Variants in STXBP4 observed in about 807,000 individuals in gnomAD.
STXBP4 encodes syntaxin binding protein 4, also known as syntaxin-binding protein 4.
STXBP4 carries 55 observed loss-of-function variants against 76.1 expected under a neutral mutation model. The observed-to-expected ratio is 0.72, with a 90% CI of 0.58 to 0.91. The LOEUF (loss-of-function observed/expected upper bound fraction) is 0.91, where lower values mean the gene tolerates loss of function less well. STXBP4 is among the 40% of genes least tolerant of loss of function. The probability of loss-of-function intolerance (pLI) is 0.00; values close to 1 mark genes in which losing one functional copy is unlikely to be tolerated. For missense variants in STXBP4, 618 were observed against 636.9 expected, an observed-to-expected ratio of 0.97 and a Z score of 0.32; for synonymous variants, 201 against 220.2, an observed-to-expected ratio of 0.91 and a Z score of 0.77.
At chr17:55,132,691 A>G (rs2079985895) in intron 16 of STXBP4, among the ~76,000 whole-genome samples, 1 of 152,154 alleles carries the variant, frequency 6.6e-6, no homozygotes, top group Admixed American at 6.6e-5. Flanking sequence ...CCTCTCATGG[A>G]ATTTGCATCC....
Position 55,166,691 on chromosome 17 carries a change from T to G in STXBP4, c.*6780T>G, listed in dbSNP as rs2080379066. The G allele has an allele frequency of 6.6e-6, 1 of 152,226 alleles. No homozygotes were observed. Among genetic ancestry groups the G allele is most frequent in the Non-Finnish European group, 1.5e-5 (1 of 68,056 alleles). 9.4% of individuals were successfully genotyped at this position (152,226 alleles called of 1,614,324 possible). A position where few individuals can be genotyped will look rare whatever the true frequency, so the allele number is the denominator to read the frequency against. ...CTCTATGGATGCCATGCCTGCATTT[T>G]TACACACCTGCCCAACCCCACTTCC... On this transcript the variant is annotated 3_prime_UTR_variant, in exon 18 of 18. Transcript: ENST00000376352.
At chr17:54,977,277 G>A (rs1236734053) in intron 1 of STXBP4, among the ~76,000 whole-genome samples, 1 of 152,174 alleles carries the variant, frequency 6.6e-6, no homozygotes, top group Non-Finnish European at 1.5e-5. Context: ...TTGGCCATCA[G>A]TATCCGCAGG....
the STXBP4 span, among the ~76,000 whole-genome samples, chr17:55,207,777 C>A: frequency 1.3e-5 from 2 of 152,188 alleles, no homozygotes; most frequent in Admixed American, 6.5e-5. Context: ...ATGCCACACA[C>A]ACTCTCATGC....
At chr17:55,118,581 G>A in intron 16 of STXBP4, among the ~76,000 whole-genome samples, 1 of 151,810 alleles carries the variant, frequency 6.6e-6, no homozygotes, top group Non-Finnish European at 1.5e-5. Context: ...AGAAATAAAT[G>A]TAAGAATCTT....
chr17:55,049,767 A>T (rs1471417062), intron 12 of STXBP4, among the ~76,000 whole-genome samples: 1 of 152,040 alleles, frequency 6.6e-6, no homozygotes, highest in Non-Finnish European at 1.5e-5. Context: ...CCTATTTTTT[A>T]AAAAGTTTTT....
At chr17:55,023,894 G>A (rs2078361453) in intron 8 of STXBP4, among the ~76,000 whole-genome samples, 1 of 123,866 alleles carries the variant, frequency 8.1e-6, no homozygotes, top group African/African-American at 3.2e-5. Context: ...ACAAGATTCT[G>A]CAAGGGCTGG....
intron 17 of STXBP4, among the ~76,000 whole-genome samples, chr17:55,156,188 A>C (rs1405053569): frequency 4.6e-5 from 7 of 152,138 alleles, no homozygotes; most frequent in African/African-American, 1.7e-4. Flanking sequence ...TAAATTTTTT[A>C]TACTAAATTT....
intron 4 of STXBP4, among the ~76,000 whole-genome samples, chr17:54,998,625 CT>C (rs1272103500): frequency 6.6e-6 from 1 of 152,136 alleles, no homozygotes; most frequent in Non-Finnish European, 1.5e-5. Context: ...CCAACTAGGC[CT>C]TAATCATAGG....
At position 55,043,847 on chromosome 17, in the gene STXBP4, T is replaced by C. The variant is rs2078745079; in HGVS notation, c.945+522T>C. The C allele has an allele frequency of 7.1e-6, 4 of 564,778 alleles. No homozygotes were observed. In the South Asian group the frequency reaches 1.1e-4, roughly 15 times the overall value. The allele number at this position is 564,778 out of a possible 1,614,324, so 35.0% of individuals were successfully genotyped here. A position where few individuals can be genotyped will look rare whatever the true frequency, so the allele number is the denominator to read the frequency against. On this transcript the variant is annotated intron_variant, in intron 11 of 17. Transcript: ENST00000376352. ...TTTGTTTGTTTGGTTTTTTGATTCT[T>C]GTTTTTGTTTTGTGTTTTTGAGACA...
chr17:55,026,149 G>C (rs2078409644), intron 8 of STXBP4, among the ~76,000 whole-genome samples: 1 of 152,140 alleles, frequency 6.6e-6, no homozygotes, highest in Non-Finnish European at 1.5e-5. Flanking sequence ...TTGTGCTGAT[G>C]AATCTATGAG....
the STXBP4 span, among the ~76,000 whole-genome samples, chr17:55,211,799 GTTTTTTTTTT>G: frequency 0.098 from 4,840 of 49,180 alleles, 367 homozygotes; most frequent in African/African-American, 0.28. Context: ...GTTTTTTGTT[GTTTTTTTTTT>G]TTTTTTTTTT....
intron 16 of STXBP4, among the ~76,000 whole-genome samples, chr17:55,123,258 A>T (rs1011204299): frequency 5.3e-5 from 8 of 152,136 alleles, no homozygotes; most frequent in African/African-American, 1.9e-4. Context: ...TAATTCAATA[A>T]AGGGGAAAAT....
At position 55,172,139 on chromosome 17, in the gene STXBP4, G is replaced by C. The variant is rs751721739; in HGVS notation, c.*12228G>C. On this transcript the variant is annotated 3_prime_UTR_variant, in exon 18 of 18. Coordinates refer to ENST00000376352, the MANE Select transcript of STXBP4 (RefSeq NM_178509.6). ...CTGTAGGTAAGGTTTGACTCATCTG[G>C]GTTAGTAGTAAGAACAAACTTCCAA... 1 of 152,190 alleles carries C rather than the reference G, an allele frequency of 6.6e-6. No homozygotes were observed. Among genetic ancestry groups the C allele is most frequent in the Admixed American group, 6.5e-5 (1 of 15,278 alleles). 9.4% of individuals were successfully genotyped at this position (152,190 alleles called of 1,614,324 possible).
intron 12 of STXBP4, among the ~76,000 whole-genome samples, chr17:55,060,998 C>T (rs906487715): frequency 2.0e-5 from 3 of 152,166 alleles, no homozygotes; most frequent in African/African-American, 7.2e-5. Flanking sequence ...AAGCATTTGG[C>T]AAATTCTCTG....
chr17:55,003,163 TA>T (rs1209699749), intron 7 of STXBP4, among the ~76,000 whole-genome samples: 1 of 152,124 alleles, frequency 6.6e-6, no homozygotes, highest in African/African-American at 2.4e-5. Flanking sequence ...GCACCACAAA[TA>T]AAAGCATAGA....
chr17:55,059,038 AG>A (rs1311012143), intron 12 of STXBP4, among the ~76,000 whole-genome samples: 15 of 152,146 alleles, frequency 9.9e-5, no homozygotes, highest in African/African-American at 3.4e-4. Flanking sequence ...TAATATTACT[AG>A]CTAATTTATC....
intron 12 of STXBP4, among the ~76,000 whole-genome samples, chr17:55,054,733 C>CAT (rs1567740109): frequency 1.3e-5 from 2 of 151,950 alleles, no homozygotes; most frequent in Admixed American, 1.3e-4. Flanking sequence ...GTGTATAGCA[C>CAT]ATACCACTCA....
chr17:54,986,769 C>T (rs2077632709), intron 3 of STXBP4, among the ~76,000 whole-genome samples: 1 of 152,048 alleles, frequency 6.6e-6, no homozygotes. Context: ...TAGATTAACT[C>T]TTGCTGACTA....
intron 17 of STXBP4, among the ~76,000 whole-genome samples, chr17:55,155,043 T>C (rs1200266595): frequency 1.3e-5 from 2 of 152,162 alleles, no homozygotes; most frequent in African/African-American, 4.8e-5. Context: ...GCTCAAAGTG[T>C]TCTGTGATAT....
Sources: allele counts gnomAD v4.1 joint callset (sites outside exome capture counted in the v4.1 genomes callset), GRCh38; gene constraint gnomAD v4.1.1; transcripts MANE v1.5; gene names NCBI Gene and HGNC (gene_info 2026-07-23, HGNC 2026-07-21).